MAPK10: variants seen among roughly 807,000 people sequenced by gnomAD.
The protein encoded by MAPK10 is JNK3 alpha protein kinase.
MAPK10 carries 25 observed loss-of-function variants against 59.3 expected under a neutral mutation model. That is an observed-to-expected ratio of 0.42 (90% CI 0.31 to 0.59). MAPK10 has a LOEUF of 0.59. MAPK10 is among the 20% of genes least tolerant of loss of function. The pLI is 0.15. For missense variants in MAPK10, 351 were observed against 568.9 expected (o/e 0.62, Z 3.90); for synonymous variants, 190 against 200.5 (o/e 0.95, Z 0.44).
chr4:86,476,725 A>G (rs1213818521), intron 1 of MAPK10, among the ~76,000 whole-genome samples: 1 of 152,154 alleles, frequency 6.6e-6, no homozygotes, highest in Admixed American at 6.5e-5. Flanking sequence ...CCAAGTAGCA[A>G]TGTATTTCTG....
chr4:86,405,184 T>A (rs1163699952), intron 1 of MAPK10, among the ~76,000 whole-genome samples: 1 of 152,190 alleles, frequency 6.6e-6, no homozygotes, highest in African/African-American at 2.4e-5. Context: ...CTAGCTGGTG[T>A]TCTTGATTTC....
chr4:86,342,071 T>G (rs2148940801), intron 2 of MAPK10, among the ~76,000 whole-genome samples: 1 of 152,288 alleles, frequency 6.6e-6, no homozygotes, highest in South Asian at 2.1e-4. Context: ...TGGGTTAAAC[T>G]GAAGAAAACA....
intron 2 of MAPK10, among the ~76,000 whole-genome samples, chr4:86,227,206 G>A (rs115200963): frequency 0.011 from 1,610 of 152,168 alleles, 13 homozygotes; most frequent in Middle Eastern, 0.051. Flanking sequence ...AAAAAGACAC[G>A]GCCGGGTGGG....
At chr4:86,492,720 T>C (rs1236899905) in intron 1 of MAPK10, among the ~76,000 whole-genome samples, 3 of 152,214 alleles carry the variant, frequency 2.0e-5, no homozygotes, top group Non-Finnish European at 4.4e-5. Flanking sequence ...AAAATTACCA[T>C]GGTGGATGAA....
At chr4:86,530,563 A>G (rs1424957170) in intron 1 of MAPK10, among the ~76,000 whole-genome samples, 4 of 152,318 alleles carry the variant, frequency 2.6e-5, no homozygotes, top group East Asian at 3.9e-4. Context: ...TGGAGGCTGG[A>G]AAGTCCAAGA....
chr4:86,331,294 C>T (rs116085946), intron 2 of MAPK10, among the ~76,000 whole-genome samples: 1,869 of 152,162 alleles, frequency 0.012, 39 homozygotes, highest in African/African-American at 0.042. Flanking sequence ...AAATTCTGTA[C>T]AAAGTAAACA....
intron 1 of MAPK10, among the ~76,000 whole-genome samples, chr4:86,375,850 C>A (rs1578974530): frequency 2.0e-5 from 3 of 151,098 alleles, no homozygotes; most frequent in Admixed American, 6.6e-5. Context: ...GAACCTCATA[C>A]AACTTTCTGT....
intron 1 of MAPK10, among the ~76,000 whole-genome samples, chr4:86,491,610 T>C (rs1399543172): frequency 6.6e-6 from 1 of 152,238 alleles, no homozygotes; most frequent in Non-Finnish European, 1.5e-5. Flanking sequence ...CCCTTAGGTC[T>C]CATCACCTGG....
intron 1 of MAPK10, among the ~76,000 whole-genome samples, chr4:86,507,615 G>GAGAGATAT (rs1219957209): frequency 2.8e-5 from 1 of 35,654 alleles, no homozygotes; most frequent in Non-Finnish European, 5.1e-5. Flanking sequence ...ATAAACTGGA[G>GAGAGATAT]ATATATATAT....
chr4:86,108,523 A>G (rs141002870), intron 4 of MAPK10, among the ~76,000 whole-genome samples: 23 of 152,306 alleles, frequency 1.5e-4, no homozygotes, highest in African/African-American at 5.3e-4. Context: ...ATAGATTCAC[A>G]GAATAAGGTT....
intron 1 of MAPK10, among the ~76,000 whole-genome samples, chr4:86,550,259 C>T (rs1215379483): frequency 6.6e-6 from 1 of 151,732 alleles, no homozygotes; most frequent in Non-Finnish European, 1.5e-5. Context: ...TGACAATGAA[C>T]CGTTGTATAT....
At position 86,281,506 on chromosome 4, in the gene MAPK10, AAAAATAAAATAAAAT is replaced by A. The variant is rs141438558; in HGVS notation, c.-7+73009_-7+73023del. 6.5e-3 allele frequency among the ~76,000 whole-genome samples: 969 copies of A among 148,624 alleles called. 12 individuals are homozygous for A. The highest frequency in any genetic ancestry group is 0.022 in the African/African-American group (888 of 39,848). On this transcript the variant is annotated intron_variant, in intron 2 of 13. Transcript: ENST00000641462. ...GACAGAGCAAGACCCCCTCAAAATAAAAAATAAAATAAAATAAAATAAAATAAAATAAAATAATAA... is the reference window on the plus strand; with the variant it reads ...GACAGAGCAAGACCCCCTCAAAATAAAAAATAAAATAAAATAAAATAATAA...
At chr4:86,182,208 A>T (rs1441774754) in intron 3 of MAPK10, among the ~76,000 whole-genome samples, 1 of 152,172 alleles carries the variant, frequency 6.6e-6, no homozygotes, top group African/African-American at 2.4e-5. Flanking sequence ...GGGTTAAAAA[A>T]AATAATAAGA....
rs76357653 is a variant in MAPK10, at chr4:86,097,556, A to G, written c.802+968T>C. Among the ~76,000 whole-genome samples the G allele has an allele frequency of 1.1e-4, 17 of 152,182 alleles. No individual in the cohort carries two copies. In the East Asian group the frequency reaches 3.1e-3, roughly 28 times the overall value. The stretch of plus-strand genomic sequence containing the variant: ...TATTGCCAATTTCCAAAACATCCAT[A>G]TGTAATAAATATACTAAATTCAATC... On this transcript the variant is annotated intron_variant, in intron 9 of 13. Transcript: ENST00000641462.
Position 86,139,214 on chromosome 4 carries a change from C to T in MAPK10, c.236+20084G>A, listed in dbSNP as rs537172019. 3.9e-4 allele frequency among the ~76,000 whole-genome samples: 57 copies of T among 146,074 alleles called. No homozygotes were observed. The South Asian group carries it at 4.4e-3, about 11-fold the overall frequency. ...GTTCATATGGAACCAAAAAAGAGCCCGCATCGCCAAGTCAATCCTAAGCCA... is the reference window on the plus strand; with the variant it reads ...GTTCATATGGAACCAAAAAAGAGCCTGCATCGCCAAGTCAATCCTAAGCCA... On this transcript the variant is annotated intron_variant, in intron 4 of 13. Coordinates refer to ENST00000641462, the MANE Select transcript of MAPK10 (RefSeq NM_138982.4).
chr4:86,063,939 C>T (rs1303607476), intron 11 of MAPK10, among the ~76,000 whole-genome samples: 1 of 151,904 alleles, frequency 6.6e-6, no homozygotes, highest in Non-Finnish European at 1.5e-5. Flanking sequence ...TTGTTTCCTA[C>T]CACTAAGTTT....
chr4:86,326,608 T>C (rs1362194353), intron 2 of MAPK10: 1 of 152,168 alleles, frequency 6.6e-6, no homozygotes, highest in Non-Finnish European at 1.5e-5. Context: ...AATATACCCC[T>C]GGAGTCATCT....
chr4:86,435,586 T>C (rs1748617409), intron 1 of MAPK10, among the ~76,000 whole-genome samples: 1 of 152,148 alleles, frequency 6.6e-6, no homozygotes, highest in Non-Finnish European at 1.5e-5. Flanking sequence ...AAAGAAAATA[T>C]GTGATGCCAT....
intron 2 of MAPK10, among the ~76,000 whole-genome samples, chr4:86,283,728 T>C (rs1488382510): frequency 1.3e-5 from 2 of 152,214 alleles, no homozygotes; most frequent in East Asian, 1.9e-4. Flanking sequence ...AGTGTATTCA[T>C]GATGCTTTGT....
Sources: allele counts gnomAD v4.1 joint callset (sites outside exome capture counted in the v4.1 genomes callset), GRCh38; gene constraint gnomAD v4.1.1; transcripts MANE v1.5; gene names NCBI Gene and HGNC (gene_info 2026-07-23, HGNC 2026-07-21).